Variants in RORA observed in about 807,000 individuals in gnomAD.
RORA encodes nuclear receptor ROR-alpha.
A neutral mutation model predicts 69.5 loss-of-function variants in RORA; 7 were observed. The observed-to-expected ratio is 0.10, with a 90% CI of 0.06 to 0.19. The LOEUF (loss-of-function observed/expected upper bound fraction) is 0.19. Ranked by LOEUF, RORA falls within the 10% of genes least tolerant of loss-of-function variation. The probability of loss-of-function intolerance (pLI) is 1.00; values close to 1 mark genes in which losing one functional copy is unlikely to be tolerated. For synonymous variants in RORA, 261 were observed against 240.8 expected (o/e 1.08, Z -0.78); for missense variants, 457 against 663.0 (o/e 0.69, Z 3.41).
At position 60,495,975 on chromosome 15, in the gene RORA, G is replaced by A. The variant is rs2065157543; in HGVS notation, c.*1480C>T. 1 of 151,948 alleles carries A rather than the reference G, an allele frequency of 6.6e-6. No individual in the cohort carries two copies. Among genetic ancestry groups the A allele is most frequent in the Non-Finnish European group, 1.5e-5 (1 of 68,020 alleles). The allele number at this position is 151,948 out of a possible 1,614,324, so 9.4% of individuals were successfully genotyped here. Reference sequence around the variant, plus strand: ...ATAAATTACAGTCCACAGTTTCCTAGTGAAGATAAATACAAGAGTAAATGT... The same window carrying A: ...ATAAATTACAGTCCACAGTTTCCTAATGAAGATAAATACAAGAGTAAATGT... On this transcript the variant is annotated 3_prime_UTR_variant, in exon 11 of 11. Transcript: ENST00000335670.
chr15:60,504,550 C>G (rs1164419974), intron 6 of RORA, among the ~76,000 whole-genome samples: 1 of 152,040 alleles, frequency 6.6e-6, no homozygotes, highest in Non-Finnish European at 1.5e-5. Context: ...TGTCTCAAAA[C>G]AAAACAAAAC....
At chr15:60,813,687 C>T (rs6494226) in intron 1 of RORA, among the ~76,000 whole-genome samples, 10,158 of 152,198 alleles carry the variant, frequency 0.067, 455 homozygotes, top group African/African-American at 0.1. Flanking sequence ...CTACAGAATA[C>T]TATATCTTTA....
At chr15:60,779,413 C>T (rs979783539) in intron 1 of RORA, among the ~76,000 whole-genome samples, 1 of 152,210 alleles carries the variant, frequency 6.6e-6, no homozygotes, top group African/African-American at 2.4e-5. Flanking sequence ...TAATGCATCT[C>T]TCCATAAGAC....
At chr15:60,741,562 G>C (rs2071575761) in intron 1 of RORA, among the ~76,000 whole-genome samples, 1 of 152,194 alleles carries the variant, frequency 6.6e-6, no homozygotes, top group African/African-American at 2.4e-5. Context: ...CCAGGGCAGA[G>C]ACTGCTGTTG....
chr15:61,068,179 A>G (rs914188922), intron 1 of RORA, among the ~76,000 whole-genome samples: 1 of 152,220 alleles, frequency 6.6e-6, no homozygotes, highest in Non-Finnish European at 1.5e-5. Context: ...TTTGGTTCAT[A>G]TGGATGCTCT....
chr15:60,986,137 C>CT (rs543653081), intron 1 of RORA, among the ~76,000 whole-genome samples: 11 of 149,068 alleles, frequency 7.4e-5, no homozygotes, highest in East Asian at 5.9e-4. Flanking sequence ...CTGATTTCTT[C>CT]TTTTTTTTTT....
In RORA at chr15:61,226,849, G is replaced by A. The variant is rs539707089; in HGVS notation, c.166+2204C>T. 3.3e-5 allele frequency among the ~76,000 whole-genome samples: 5 copies of A among 152,116 alleles called. No individual in the cohort carries two copies. The South Asian group carries it at 8.3e-4, about 25-fold the overall frequency. On this transcript the variant is annotated intron_variant, in intron 1 of 10. Transcript: ENST00000335670. This position sits in a 1 kb window ranked among gnomAD's most constrained non-coding sequence, Gnocchi z 4.2. ...AAATCTTCCAGGAGGGACAGACAGG[G>A]GCTGGTTCAAAGAATGAGTTGGGGT...
intron 1 of RORA, among the ~76,000 whole-genome samples, chr15:60,967,641 A>C (rs559697772): frequency 6.6e-6 from 1 of 152,248 alleles, no homozygotes; most frequent in Non-Finnish European, 1.5e-5. Flanking sequence ...AGCTGCTCAC[A>C]GTCTGGGTCA....
intron 1 of RORA, among the ~76,000 whole-genome samples, chr15:61,110,427 C>G (rs959249127): frequency 4.0e-5 from 6 of 151,414 alleles, no homozygotes; most frequent in African/African-American, 1.5e-4. Flanking sequence ...GAATTATGTA[C>G]AGCATATAAT....
intron 1 of RORA, among the ~76,000 whole-genome samples, chr15:61,137,638 C>T (rs185733240): frequency 7.2e-5 from 11 of 152,318 alleles, no homozygotes; most frequent in African/African-American, 2.6e-4. Flanking sequence ...CACACCTCCT[C>T]TTGGGCTCAG....
intron 1 of RORA, among the ~76,000 whole-genome samples, chr15:60,722,172 GTTAT>G (rs1470844958): frequency 6.6e-6 from 1 of 152,016 alleles, no homozygotes; most frequent in African/African-American, 2.4e-5. Context: ...CTTTCAGTTT[GTTAT>G]TTATTTTCTT....
chr15:61,102,246 G>A lies in RORA; in HGVS notation c.166+126807C>T, dbSNP rs559210064. On this transcript the variant is annotated intron_variant, in intron 1 of 10. Transcript: ENST00000335670. ...CACTCTTGGGGTCTCCATATGAGAA[G>A]CCCCCCCTCAACCCGACTGACTTGA... Among the ~76,000 whole-genome samples the A allele has an allele frequency of 3.3e-5, 5 of 152,242 alleles. No homozygotes were observed. In the East Asian group the frequency reaches 9.7e-4, roughly 29 times the overall value.
At chr15:60,851,050 A>C (rs1039741881) in intron 1 of RORA, among the ~76,000 whole-genome samples, 3 of 152,136 alleles carry the variant, frequency 2.0e-5, no homozygotes, top group African/African-American at 7.2e-5. Context: ...TACAAACAAA[A>C]GTGGTAACAT....
At chr15:61,162,383 G>A (rs758599490) in intron 1 of RORA, among the ~76,000 whole-genome samples, 6 of 152,226 alleles carry the variant, frequency 3.9e-5, no homozygotes, top group Admixed American at 1.3e-4. Context: ...ATCTTAGTCC[G>A]TATTTTAATA....
chr15:61,010,949 T>A (rs867124625), intron 1 of RORA, among the ~76,000 whole-genome samples: 1 of 152,226 alleles, frequency 6.6e-6, no homozygotes, highest in South Asian at 2.1e-4. Context: ...TATATATTGA[T>A]TAAGCCAAGC....
intron 1 of RORA, among the ~76,000 whole-genome samples, chr15:60,954,991 G>T (rs1402138702): frequency 1.3e-5 from 2 of 152,128 alleles, no homozygotes; most frequent in Non-Finnish European, 2.9e-5. Flanking sequence ...CATTAACATG[G>T]GTTTTGTATC....
intron 1 of RORA, among the ~76,000 whole-genome samples, chr15:60,796,715 A>G (rs888498685): frequency 1.3e-4 from 20 of 152,176 alleles, no homozygotes; most frequent in African/African-American, 4.3e-4. Context: ...GAAAGTGTTC[A>G]AAGAAAAACT....
chr15:60,563,554 G>A (rs2067637435), intron 2 of RORA, among the ~76,000 whole-genome samples: 1 of 152,138 alleles, frequency 6.6e-6, no homozygotes, highest in African/African-American at 2.4e-5. Flanking sequence ...GTCAATCTTA[G>A]GGAAATTTCT....
At chr15:61,135,662 T>G (rs992416397) in intron 1 of RORA, among the ~76,000 whole-genome samples, 2 of 149,562 alleles carry the variant, frequency 1.3e-5, no homozygotes, top group African/African-American at 2.5e-5. Context: ...CTTATCCCCC[T>G]GCAGAGCTGC....
Sources: allele counts gnomAD v4.1 joint callset (sites outside exome capture counted in the v4.1 genomes callset), GRCh38; gene constraint gnomAD v4.1.1; non-coding constraint Gnocchi (gnomAD v3.1); transcripts MANE v1.5; gene names NCBI Gene and HGNC (gene_info 2026-07-23, HGNC 2026-07-21).